VKORC1L1: variants seen among roughly 807,000 people sequenced by gnomAD.
VKORC1L1 encodes vitamin K epoxide reductase complex subunit 1-like protein 1.
In VKORC1L1, 2 loss-of-function variants were observed where a neutral mutation model predicts 18.9. The observed-to-expected ratio is 0.11, with a 90% CI of 0.04 to 0.33. The LOEUF is 0.33. Among genes scored for constraint, VKORC1L1 ranks in the 10% least tolerant of loss-of-function variants. The probability of loss-of-function intolerance (pLI) is 1.00; values close to 1 mark genes in which losing one functional copy is unlikely to be tolerated. For synonymous variants in VKORC1L1, 96 were observed against 100.0 expected (o/e 0.96, Z 0.24); for missense variants, 123 against 224.1 (o/e 0.55, Z 2.88).
intron 1 of VKORC1L1, among the ~76,000 whole-genome samples, chr7:65,944,999 G>A (rs1218011358): frequency 1.3e-5 from 2 of 152,096 alleles, no homozygotes; most frequent in East Asian, 1.9e-4. Context: ...GGTGGCTGAT[G>A]CCTGTAATCC....
rs1162307127 is a variant in VKORC1L1 at position 65,900,623 on chromosome 7, T to G, written c.194+27058T>G. On this transcript the variant is annotated intron_variant, in intron 1 of 2. Transcript: ENST00000360768. ...TTCGAGACCAGCCTGGCCAACGAGGTGAAACCCCATCTCTACTAAAAATAC... is the reference window on the plus strand; with the variant it reads ...TTCGAGACCAGCCTGGCCAACGAGGGGAAACCCCATCTCTACTAAAAATAC... Among the ~76,000 whole-genome samples, 3 of 151,888 alleles carry G rather than the reference T, an allele frequency of 2.0e-5. No homozygotes were observed. The East Asian group carries it at 5.8e-4, about 30-fold the overall frequency.
At chr7:65,898,541 G>A (rs1233361776) in intron 1 of VKORC1L1, among the ~76,000 whole-genome samples, 1 of 152,118 alleles carries the variant, frequency 6.6e-6, no homozygotes, top group African/African-American at 2.4e-5. Flanking sequence ...GCATATATTT[G>A]CAAGCATATA....
chr7:65,866,566 A>C, the VKORC1L1 span, among the ~76,000 whole-genome samples: 56 of 152,190 alleles, frequency 3.7e-4, 1 homozygote, highest in Non-Finnish European at 1.2e-4. Flanking sequence ...TTGAGTATTC[A>C]AGGGAATAGA....
At chr7:65,931,179 G>A (rs1471762881) in intron 1 of VKORC1L1, among the ~76,000 whole-genome samples, 2 of 151,608 alleles carry the variant, frequency 1.3e-5, no homozygotes, top group Non-Finnish European at 1.5e-5. Context: ...ATTGGTCTGT[G>A]GTGGTTTTTT....
At chr7:65,867,435 C>A in the VKORC1L1 span, among the ~76,000 whole-genome samples, 1 of 151,992 alleles carries the variant, frequency 6.6e-6, no homozygotes, top group African/African-American at 2.4e-5. Context: ...AACCCCAAAA[C>A]TTTGGGTGCT....
At chr7:65,916,748 G>A (rs1289569764) in intron 1 of VKORC1L1, among the ~76,000 whole-genome samples, 1 of 151,912 alleles carries the variant, frequency 6.6e-6, no homozygotes, top group Non-Finnish European at 1.5e-5. Context: ...ACAGGCCTGC[G>A]CCACCATGCC....
chr7:65,890,709 A>G (rs551819555), intron 1 of VKORC1L1, among the ~76,000 whole-genome samples: 4 of 152,212 alleles, frequency 2.6e-5, no homozygotes, highest in East Asian at 1.9e-4. Context: ...TTAGATTCCT[A>G]CCAACAATGT....
rs1024131287 is a variant in VKORC1L1, at chr7:65,956,414, C to T, written c.*2114C>T. Reference sequence around the variant, plus strand: ...ATCAATCAACAGAGTATAGTTAAAGCTTGTCTTGATGTTGCATTCTTGCAA... The same window carrying T: ...ATCAATCAACAGAGTATAGTTAAAGTTTGTCTTGATGTTGCATTCTTGCAA... On this transcript the variant is annotated 3_prime_UTR_variant, in exon 3 of 3. Transcript: ENST00000360768. 4 of 152,182 alleles carry T rather than the reference C, an allele frequency of 2.6e-5. No individual in the cohort carries two copies. Among genetic ancestry groups the T allele is most frequent in the African/African-American group, 7.2e-5 (3 of 41,438 alleles). 9.4% of individuals were successfully genotyped at this position (152,182 alleles called of 1,614,324 possible). A position where few individuals can be genotyped will look rare whatever the true frequency, so the allele number is the denominator to read the frequency against.
chr7:65,886,282 T>C (rs1385410054), intron 1 of VKORC1L1, among the ~76,000 whole-genome samples: 1 of 152,232 alleles, frequency 6.6e-6, no homozygotes, highest in Non-Finnish European at 1.5e-5. Flanking sequence ...ATTTAATGAT[T>C]AAGGACCATT....
intron 1 of VKORC1L1, among the ~76,000 whole-genome samples, chr7:65,889,328 A>T (rs1370255136): frequency 6.6e-6 from 1 of 152,150 alleles, no homozygotes; most frequent in East Asian, 1.9e-4. Context: ...TCCCAAAACT[A>T]ATAAATTCAG....
At position 65,954,575 on chromosome 7, in the gene VKORC1L1, G is replaced by A; in HGVS notation, c.*275G>A. The A allele has an allele frequency of 1.9e-6, 1 of 519,872 alleles. No homozygotes were observed. The highest frequency in any genetic ancestry group is 3.2e-6 in the Non-Finnish European group (1 of 316,132). The allele number at this position is 519,872 out of a possible 1,614,324, so 32.2% of individuals were successfully genotyped here. On this transcript the variant is annotated 3_prime_UTR_variant, in exon 3 of 3. Transcript: ENST00000360768. ...AGTGTTTCTGAAATGATAAAATGTA[G>A]CCCTAGCCCCCTGCCCTCAATTGTA...
At chr7:65,931,362 C>T (rs1789854754) in intron 1 of VKORC1L1, among the ~76,000 whole-genome samples, 1 of 152,082 alleles carries the variant, frequency 6.6e-6, no homozygotes, top group South Asian at 2.1e-4. Context: ...CCATCTGGAC[C>T]TGCAGTTTTT....
chr7:65,907,736 G>T (rs1789429325), intron 1 of VKORC1L1, among the ~76,000 whole-genome samples: 1 of 152,174 alleles, frequency 6.6e-6, no homozygotes. Flanking sequence ...AGATCTTTGA[G>T]CAGGTGTTTA....
In VKORC1L1 at chr7:65,934,877, A is replaced by G. The variant is rs921124486; in HGVS notation, c.195-13794A>G. 4.6e-5 allele frequency among the ~76,000 whole-genome samples: 7 copies of G among 151,876 alleles called. No individual in the cohort carries two copies. The South Asian group carries it at 1.5e-3, about 32-fold the overall frequency. ...AGACCAGCCTTGCCAACATAGTGAA[A>G]CCCCGTCTCTACTAAAAATACAAAA... is the stretch of plus-strand genomic sequence containing the variant. On this transcript the variant is annotated intron_variant, in intron 1 of 2. Coordinates refer to ENST00000360768, the MANE Select transcript of VKORC1L1 (RefSeq NM_173517.6).
chr7:65,894,240 C>T lies in VKORC1L1; in HGVS notation c.194+20675C>T, dbSNP rs142194481. The stretch of plus-strand genomic sequence containing the variant: ...AAAATGTTAGGATTACAGGCATGAG[C>T]CACTGCGCCCAGCCAAAATTTTTTT... On this transcript the variant is annotated intron_variant, in intron 1 of 2. Transcript: ENST00000360768. 9.2e-3 allele frequency among the ~76,000 whole-genome samples: 1,400 copies of T among 152,160 alleles called. 25 individuals are homozygous for T. Among genetic ancestry groups the T allele is most frequent in the African/African-American group, 0.03 (1,264 of 41,498 alleles).
rs974130033 is a variant in VKORC1L1, at chr7:65,958,046, C to A, written c.*3746C>A. 1 of 152,102 alleles carries A rather than the reference C, an allele frequency of 6.6e-6. No individual in the cohort carries two copies. The highest frequency in any genetic ancestry group is 1.5e-5 in the Non-Finnish European group (1 of 68,036). 9.4% of individuals were successfully genotyped at this position (152,102 alleles called of 1,614,324 possible). A position where few individuals can be genotyped will look rare whatever the true frequency, so the allele number is the denominator to read the frequency against. On this transcript the variant is annotated 3_prime_UTR_variant, in exon 3 of 3. Transcript: ENST00000360768. The stretch of plus-strand genomic sequence containing the variant: ...CTGGTAACCTATTTGGGGAAAAAGA[C>A]CTAATGACCTAATATGCAATTTCTG...
rs1053738957 is a variant in VKORC1L1 at position 65,896,169 on chromosome 7, G to C, written c.194+22604G>C. On this transcript the variant is annotated intron_variant, in intron 1 of 2. Transcript: ENST00000360768. ...TTCACTCGCCTCAGCCTCCCAAAGT[G>C]CTAGGATTTTAGGTGTGAGCCACCG... is the stretch of plus-strand genomic sequence containing the variant. 1.5e-4 allele frequency among the ~76,000 whole-genome samples: 23 copies of C among 151,462 alleles called. No individual in the cohort carries two copies. In the South Asian group the frequency reaches 4.4e-3, roughly 29 times the overall value.
At chr7:65,941,887 T>G (rs772360658) in intron 1 of VKORC1L1, among the ~76,000 whole-genome samples, 1 of 151,654 alleles carries the variant, frequency 6.6e-6, no homozygotes, top group Non-Finnish European at 1.5e-5. Flanking sequence ...TCTTGAAATC[T>G]TGGCCTCAAT....
chr7:65,869,171 C>T (rs1456226506), upstream of VKORC1L1, among the ~76,000 whole-genome samples: 3 of 151,138 alleles, frequency 2.0e-5, no homozygotes, highest in African/African-American at 7.3e-5. Flanking sequence ...AAAAATTAGC[C>T]AGGCATGGTG....
Sources: allele counts gnomAD v4.1 joint callset (sites outside exome capture counted in the v4.1 genomes callset), GRCh38; gene constraint gnomAD v4.1.1; transcripts MANE v1.5; gene names NCBI Gene and HGNC (gene_info 2026-07-23, HGNC 2026-07-21).